TBL1XR1: variants seen among roughly 807,000 people sequenced by gnomAD.
TBL1XR1 encodes TBL1X/Y related 1.
TBL1XR1 carries 5 observed loss-of-function variants against 66.9 expected under a neutral mutation model. The observed-to-expected ratio is 0.07, with a 90% CI of 0.04 to 0.16. The LOEUF (loss-of-function observed/expected upper bound fraction) is 0.16, where lower values mean the gene tolerates loss of function less well. Among genes scored for constraint, TBL1XR1 ranks in the 10% least tolerant of loss-of-function variants. The pLI is 1.00. For synonymous variants in TBL1XR1, 210 were observed against 206.0 expected (o/e 1.02, Z -0.17); for missense variants, 238 against 623.2 (o/e 0.38, Z 6.58).
chr3:177,030,242 TC>T (rs951789069), intron 14 of TBL1XR1, among the ~76,000 whole-genome samples: 21 of 151,710 alleles, frequency 1.4e-4, no homozygotes, highest in African/African-American at 5.1e-4. Flanking sequence ...CATTTTTAAA[TC>T]CCCCAATAGG....
intron 1 of TBL1XR1, among the ~76,000 whole-genome samples, chr3:177,192,797 C>T (rs924666957): frequency 6.6e-6 from 1 of 152,192 alleles, no homozygotes; most frequent in Non-Finnish European, 1.5e-5. Flanking sequence ...ACCTCTCACA[C>T]ACTAACTGGA....
intron 3 of TBL1XR1, among the ~76,000 whole-genome samples, chr3:177,057,762 G>A (rs1019341127): frequency 2.6e-5 from 4 of 152,120 alleles, no homozygotes; most frequent in Non-Finnish European, 5.9e-5. Context: ...AAGTGTAAGA[G>A]CAAATCTGAT....
At chr3:177,100,387 T>C (rs1724048948) in intron 1 of TBL1XR1, among the ~76,000 whole-genome samples, 1 of 152,220 alleles carries the variant, frequency 6.6e-6, no homozygotes, top group Non-Finnish European at 1.5e-5. Flanking sequence ...TACAACTTAA[T>C]TGTAGAGCAA....
At chr3:177,075,669 T>G (rs1720611977) in intron 2 of TBL1XR1, among the ~76,000 whole-genome samples, 1 of 152,180 alleles carries the variant, frequency 6.6e-6, no homozygotes, top group Non-Finnish European at 1.5e-5. Flanking sequence ...TACTTAGCAG[T>G]TAGACTACTC....
intron 7 of TBL1XR1, 187 bp from the exon 8 acceptor site, chr3:177,047,736 A>C (rs1037889121): frequency 3.4e-6 from 2 of 595,322 alleles, no homozygotes; most frequent in African/African-American, 3.7e-5. Flanking sequence ...GTGTGACACT[A>C]ATGTTGTATG....
intron 12 of TBL1XR1, among the ~76,000 whole-genome samples, chr3:177,036,571 A>G (rs971408726): frequency 1.3e-5 from 2 of 152,204 alleles, no homozygotes; most frequent in Admixed American, 6.5e-5. Context: ...TCATTTCCTC[A>G]TATGTGTCAC....
intron 1 of TBL1XR1, among the ~76,000 whole-genome samples, chr3:177,135,178 T>G (rs1728784507): frequency 6.7e-6 from 1 of 149,612 alleles, no homozygotes; most frequent in Non-Finnish European, 1.5e-5. Flanking sequence ...ATTTTTGTAT[T>G]TTTAGTAGAG....
intron 1 of TBL1XR1, among the ~76,000 whole-genome samples, chr3:177,162,247 C>G (rs1643999760): frequency 6.6e-6 from 1 of 152,100 alleles, no homozygotes; most frequent in Non-Finnish European, 1.5e-5. Context: ...GAAAAAGAAA[C>G]TACTGCTTGA....
intron 3 of TBL1XR1, among the ~76,000 whole-genome samples, chr3:177,058,796 C>CT (rs1436727201): frequency 6.6e-6 from 1 of 152,184 alleles, no homozygotes; most frequent in Non-Finnish European, 1.5e-5. Flanking sequence ...AACAAATTCT[C>CT]TGTTTGGCAA....
chr3:177,200,680 G>A (rs147450323), upstream of TBL1XR1, among the ~76,000 whole-genome samples: 191 of 152,290 alleles, frequency 1.3e-3, 2 homozygotes, highest in African/African-American at 4.3e-3. Context: ...AGATATTACT[G>A]TATTACTAAG....
At chr3:177,100,746 T>C (rs541476756) in intron 1 of TBL1XR1, among the ~76,000 whole-genome samples, 2 of 152,116 alleles carry the variant, frequency 1.3e-5, no homozygotes, top group African/African-American at 2.4e-5. Flanking sequence ...ATTTCAAACA[T>C]CTTTCTTGAT....
intron 1 of TBL1XR1, among the ~76,000 whole-genome samples, chr3:177,186,437 CATT>C (rs1385529939): frequency 6.6e-6 from 1 of 152,174 alleles, no homozygotes; most frequent in African/African-American, 2.4e-5. Context: ...TATCTATTCT[CATT>C]ACCTTATTTC....
chr3:177,041,497 A>G (rs544019000), intron 10 of TBL1XR1, among the ~76,000 whole-genome samples: 3 of 152,298 alleles, frequency 2.0e-5, no homozygotes, highest in Admixed American at 6.5e-5. Context: ...GTTTTCCACA[A>G]TAAGTCACTT....
At chr3:177,171,702 CAAA>C (rs34278942) in intron 1 of TBL1XR1, among the ~76,000 whole-genome samples, 47 of 47,290 alleles carry the variant, frequency 9.9e-4, no homozygotes, top group African/African-American at 3.8e-3. Flanking sequence ...GACTCCGTCT[CAAA>C]AAAAAAAAAA....
intron 1 of TBL1XR1, among the ~76,000 whole-genome samples, chr3:177,106,847 T>C (rs1356004234): frequency 6.6e-6 from 1 of 152,134 alleles, no homozygotes; most frequent in Admixed American, 6.6e-5. Context: ...TGCCGTCCTG[T>C]GTGCTACTAA....
rs554306072 is a variant in TBL1XR1 at position 177,063,667 on chromosome 3, T to C, written c.58+1253A>G. Among the ~76,000 whole-genome samples the C allele has an allele frequency of 5.3e-5, 8 of 152,334 alleles. No homozygotes were observed. The South Asian group carries it at 6.2e-4, about 12-fold the overall frequency. ...TCACTTTATTAATCATTTTATCTTA[T>C]TCAAAACATTCTTTAGATCTGCCTT... is the stretch of plus-strand genomic sequence containing the variant. On this transcript the variant is annotated intron_variant, in intron 3 of 15. Transcript: ENST00000457928.
At chr3:177,153,402 G>C (rs1282293593) in intron 1 of TBL1XR1, among the ~76,000 whole-genome samples, 1 of 152,062 alleles carries the variant, frequency 6.6e-6, no homozygotes, top group Admixed American at 6.6e-5. Context: ...GCACATATAA[G>C]ACTTTTCATT....
At chr3:177,103,071 A>T (rs1247916111) in intron 1 of TBL1XR1, among the ~76,000 whole-genome samples, 1 of 152,262 alleles carries the variant, frequency 6.6e-6, no homozygotes, top group Non-Finnish European at 1.5e-5. Flanking sequence ...AGATATAAAC[A>T]TATTTGAAAA....
chr3:177,194,121 GTCTTT>G (rs1392512793), intron 1 of TBL1XR1: 13 of 152,320 alleles, frequency 8.5e-5, no homozygotes, highest in Admixed American at 5.2e-4. Context: ...CGCTCTCAGA[GTCTTT>G]TCTTTTTAAC....
Sources: allele counts gnomAD v4.1 joint callset (sites outside exome capture counted in the v4.1 genomes callset), GRCh38; gene constraint gnomAD v4.1.1; transcripts MANE v1.5; gene names NCBI Gene and HGNC (gene_info 2026-07-23, HGNC 2026-07-21).